SUGCT: variants seen among roughly 807,000 people sequenced by gnomAD.
SUGCT encodes succinyl-CoA:glutarate-CoA transferase, also known as succinyl-CoA:glutarate CoA-transferase.
A neutral mutation model predicts 55.0 loss-of-function variants in SUGCT; 41 were observed. The observed-to-expected ratio is 0.74, with a 90% CI of 0.58 to 0.97. SUGCT has a LOEUF of 0.97. Among genes scored for constraint, SUGCT ranks in the 50% least tolerant of loss-of-function variants. The probability of loss-of-function intolerance (pLI) is 0.00; values close to 1 mark genes in which losing one functional copy is unlikely to be tolerated. For synonymous variants in SUGCT, 187 were observed against 200.4 expected (o/e 0.93, Z 0.56); for missense variants, 568 against 547.8 (o/e 1.04, Z -0.37).
intron 13 of SUGCT, among the ~76,000 whole-genome samples, chr7:40,832,677 CTTTT>C (rs34767975): frequency 7.1e-6 from 1 of 141,284 alleles, no homozygotes; most frequent in Non-Finnish European, 1.5e-5. Flanking sequence ...TCCACTCCTA[CTTTT>C]TTTTTTTTTT....
the SUGCT span, among the ~76,000 whole-genome samples, chr7:41,008,779 C>A: frequency 6.6e-6 from 1 of 151,968 alleles, no homozygotes; most frequent in Non-Finnish European, 1.5e-5. Context: ...TCATGCACAC[C>A]TCTCCTGCCC....
At chr7:40,946,673 T>C in the SUGCT span, among the ~76,000 whole-genome samples, 2 of 152,220 alleles carry the variant, frequency 1.3e-5, no homozygotes, top group African/African-American at 4.8e-5. Context: ...GGAATGTCTT[T>C]ATTTATTTTC....
chr7:40,409,370 C>T (rs974571661), intron 9 of SUGCT, among the ~76,000 whole-genome samples: 1 of 151,930 alleles, frequency 6.6e-6, no homozygotes, highest in African/African-American at 2.4e-5. Context: ...CTCAAGTGAT[C>T]CTCCCACCTC....
chr7:40,234,601 GT>G, intron 6 of SUGCT, among the ~76,000 whole-genome samples: 1 of 152,066 alleles, frequency 6.6e-6, no homozygotes, highest in Non-Finnish European at 1.5e-5. Flanking sequence ...GAATCAAGAC[GT>G]TTGGGTTTTT....
chr7:40,742,585 C>A (rs1787521912), intron 12 of SUGCT, among the ~76,000 whole-genome samples: 1 of 152,136 alleles, frequency 6.6e-6, no homozygotes, highest in South Asian at 2.1e-4. Flanking sequence ...GCTCCTTGCC[C>A]ACTGCTCACC....
At chr7:40,213,214 C>T (rs1405818834) in intron 6 of SUGCT, among the ~76,000 whole-genome samples, 1 of 152,102 alleles carries the variant, frequency 6.6e-6, no homozygotes, top group African/African-American at 2.4e-5. Flanking sequence ...CCTTTTCTGT[C>T]CCAGGATCCA....
chr7:40,361,379 C>A (rs1020689769), intron 9 of SUGCT, among the ~76,000 whole-genome samples: 4 of 151,870 alleles, frequency 2.6e-5, no homozygotes, highest in African/African-American at 4.8e-5. Flanking sequence ...TCGAGACCAT[C>A]CTGGCTAACA....
At chr7:40,460,412 C>T (rs971035261) in intron 11 of SUGCT, among the ~76,000 whole-genome samples, 1 of 152,182 alleles carries the variant, frequency 6.6e-6, no homozygotes, top group African/African-American at 2.4e-5. Context: ...CAATGATTAA[C>T]TTTTCTCCAC....
rs1223104979 is a variant in SUGCT, at chr7:40,679,365, TAAGAACAG to T, written c.1090-70067_1090-70060del. On this transcript the variant is annotated intron_variant, in intron 12 of 13. Coordinates refer to ENST00000335693, the MANE Select transcript of SUGCT (RefSeq NM_001193313.2). ...CCATTCCTGGAGTGTGTATCCCTGA[TAAGAACAG>T]ATGACCAGCTCAAAGGTGTACATTA... Among the ~76,000 whole-genome samples the T allele has an allele frequency of 6.7e-5, 10 of 149,646 alleles. No individual in the cohort carries two copies. In the East Asian group the frequency reaches 2.1e-3, roughly 32 times the overall value.
intron 5 of SUGCT, among the ~76,000 whole-genome samples, chr7:40,192,590 A>G (rs1785976445): frequency 6.6e-6 from 1 of 151,590 alleles, no homozygotes; most frequent in South Asian, 2.1e-4. Context: ...CAAAAATATT[A>G]GAATTTTGCT....
rs1481932008 is a variant in SUGCT at position 40,433,687 on chromosome 7, A to G, written c.817-15600A>G. Among the ~76,000 whole-genome samples the G allele has an allele frequency of 4.6e-5, 7 of 152,314 alleles. No individual in the cohort carries two copies. In the East Asian group the frequency reaches 5.8e-4, roughly 13 times the overall value. ...AGGAATGCTCAGTTGCATGATGTAT[A>G]GAGCTGCTTCTTTAAGGTGTTTGGG... is the stretch of plus-strand genomic sequence containing the variant. On this transcript the variant is annotated intron_variant, in intron 9 of 13. Transcript: ENST00000335693.
At chr7:40,898,481 G>C in the SUGCT span, among the ~76,000 whole-genome samples, 86 of 100,256 alleles carry the variant, frequency 8.6e-4, 15 homozygotes, top group East Asian at 6.5e-3. Flanking sequence ...CCGGGAGGTC[G>C]GGGGGGGGGG....
At chr7:40,697,879 G>A (rs938464927) in intron 12 of SUGCT, among the ~76,000 whole-genome samples, 4 of 152,150 alleles carry the variant, frequency 2.6e-5, no homozygotes, top group Non-Finnish European at 4.4e-5. Context: ...CTCAGTGCTC[G>A]CAATGTGCCA....
intron 11 of SUGCT, among the ~76,000 whole-genome samples, chr7:40,482,968 T>C (rs1791137611): frequency 6.6e-6 from 1 of 152,136 alleles, no homozygotes; most frequent in Non-Finnish European, 1.5e-5. Context: ...ATGCAGACAA[T>C]GGAGAGCTCA....
the SUGCT span, among the ~76,000 whole-genome samples, chr7:40,916,496 CTT>C: frequency 6.6e-6 from 1 of 152,120 alleles, no homozygotes; most frequent in Non-Finnish European, 1.5e-5. Flanking sequence ...AAGGAGGAGT[CTT>C]TTTGAGAATG....
chr7:40,537,004 T>A lies in SUGCT; in HGVS notation c.1089+40618T>A, dbSNP rs1794398953. Among the ~76,000 whole-genome samples, 6 of 152,190 alleles carry A rather than the reference T, an allele frequency of 3.9e-5. No homozygotes were observed. In the South Asian group the frequency reaches 1.2e-3, roughly 32 times the overall value. On this transcript the variant is annotated intron_variant, in intron 12 of 13. Coordinates refer to ENST00000335693, the MANE Select transcript of SUGCT (RefSeq NM_001193313.2). ...GTGTTTCAGTTGTTAGTGACAAAGA[T>A]CCAAAGTAAATTAAAGAGGGAAAAA...
At chr7:40,952,925 G>C in the SUGCT span, among the ~76,000 whole-genome samples, 1 of 151,998 alleles carries the variant, frequency 6.6e-6, no homozygotes, top group Non-Finnish European at 1.5e-5. Flanking sequence ...CTGACAATTA[G>C]GTGTCTTGGA....
chr7:40,309,222 G>T (rs1303656904), intron 8 of SUGCT, among the ~76,000 whole-genome samples: 5 of 152,128 alleles, frequency 3.3e-5, no homozygotes, highest in Admixed American at 6.5e-5. Flanking sequence ...CATGAGAGTA[G>T]GACTATGTCT....
chr7:40,316,131 GAGA>G (rs1795419670), intron 8 of SUGCT, among the ~76,000 whole-genome samples: 1 of 152,024 alleles, frequency 6.6e-6, no homozygotes, highest in Non-Finnish European at 1.5e-5. Context: ...AACAAATTGG[GAGA>G]AGTACAGTAA....
Sources: allele counts gnomAD v4.1 joint callset (sites outside exome capture counted in the v4.1 genomes callset), GRCh38; gene constraint gnomAD v4.1.1; transcripts MANE v1.5; gene names NCBI Gene and HGNC (gene_info 2026-07-23, HGNC 2026-07-21).